Variants in CD81 observed in about 807,000 individuals in gnomAD.
CD81 encodes CD81 molecule.
In CD81, 10 loss-of-function variants were observed where a neutral mutation model predicts 30.1. That is an observed-to-expected ratio of 0.33 (90% CI 0.21 to 0.56). The LOEUF (loss-of-function observed/expected upper bound fraction) is 0.56. Among genes scored for constraint, CD81 ranks in the 20% least tolerant of loss-of-function variants. The pLI is 0.89. For synonymous variants in CD81, 147 were observed against 126.4 expected, an observed-to-expected ratio of 1.16 and a Z score of -1.10; for missense variants, 263 against 308.7, an observed-to-expected ratio of 0.85 and a Z score of 1.11.
intron 1 of CD81, 118 bp from the exon 2 acceptor site, chr11:2,390,294 C>T: frequency 1.2e-6 from 1 of 822,860 alleles, no homozygotes; most frequent in Non-Finnish European, 2.1e-6. Flanking sequence ...GAGCTGACAC[C>T]TGGTCCCTGC....
At chr11:2,380,301 T>C (rs552222203) in intron 1 of CD81, among the ~76,000 whole-genome samples, 63 of 152,114 alleles carry the variant, frequency 4.1e-4, no homozygotes, top group Non-Finnish European at 7.6e-4. Context: ...GTGGGGCACT[T>C]GTTAGAAGTT....
chr11:2,396,004 C>T (rs1217240324), intron 6 of CD81, 34 bp downstream of exon 6: 4 of 1,409,346 alleles, frequency 2.8e-6, no homozygotes, highest in Non-Finnish European at 4.0e-6. Flanking sequence ...GCCTGACCCC[C>T]CGCATGTCCC....
Position 2,396,874 on chromosome 11 carries a change from C to G in CD81, c.*8C>G, listed in dbSNP as rs755687318. ...AACAGCTCCGTGTACTGAGGCCCCG[C>G]AGCTCTGGCCACAGGGACCTCTGCA... is the stretch of plus-strand genomic sequence containing the variant. On this transcript the variant is annotated 3_prime_UTR_variant, in exon 8 of 8. Transcript: ENST00000263645. The G allele has an allele frequency of 6.2e-7, 1 of 1,612,130 alleles. No individual in the cohort carries two copies. Among genetic ancestry groups the G allele is most frequent in the Non-Finnish European group, 8.5e-7 (1 of 1,179,770 alleles).
rs72556504 is a variant in CD81 at position 2,387,874 on chromosome 11, C to T, written c.67-2538C>T. On this transcript the variant is annotated intron_variant, in intron 1 of 7. Transcript: ENST00000263645. ...CCAAAGTGTGAAAATTGAGTTGAAACTCCCATAGGAGGGCAGGAGGCACAG... is the reference window on the plus strand; with the variant it reads ...CCAAAGTGTGAAAATTGAGTTGAAATTCCCATAGGAGGGCAGGAGGCACAG... Among the ~76,000 whole-genome samples the T allele has an allele frequency of 0.011, 1,742 of 152,304 alleles. 43 individuals carry two copies. The South Asian group carries it at 0.13, about 11-fold the overall frequency.
At chr11:2,386,611 A>G in intron 1 of CD81, 1 of 717,246 alleles carries the variant, frequency 1.4e-6, no homozygotes, top group Non-Finnish European at 2.6e-6. Context: ...CCGTTTGTCC[A>G]TGCTAGGGCT....
intron 6 of CD81, 36 bp from the exon 7 acceptor site, chr11:2,396,592 C>G (rs945464645): frequency 1.5e-5 from 23 of 1,557,982 alleles, no homozygotes; most frequent in Non-Finnish European, 2.0e-5. Context: ...AGCCGAGGCC[C>G]GGTCCCTGAC....
chr11:2,396,809 C>A lies in CD81; in HGVS notation c.654C>A (p.Phe218Leu). 6.2e-7 allele frequency: 1 copy of A among 1,612,774 alleles called. No individual in the cohort carries two copies. The highest frequency in any genetic ancestry group is 8.5e-7 in the Non-Finnish European group (1 of 1,180,006). ...CCCCCACCACCCTCCTGCAGATCTT[C>A]GAGATGATCCTGAGCATGGTGCTGT... ...AAIVVAVIMIFEMILSMVLCC... is the reference protein window; with the variant it reads ...AAIVVAVIMILEMILSMVLCC... The change falls in exon 8 of 8, where the codon TTC becomes TTA. Residue 218 changes from phenylalanine to leucine, a missense_variant. Coordinates refer to ENST00000263645, the MANE Select transcript of CD81 (RefSeq NM_004356.4).
At chr11:2,380,937 G>T (rs1849694291) in intron 1 of CD81, among the ~76,000 whole-genome samples, 1 of 152,250 alleles carries the variant, frequency 6.6e-6, no homozygotes, top group Admixed American at 6.5e-5. Flanking sequence ...AACCCGGCCG[G>T]GAAAGAGACT....
chr11:2,395,102 C>T, intron 4 of CD81, 56 bp downstream of exon 4: 1 of 1,452,262 alleles, frequency 6.9e-7, no homozygotes, highest in African/African-American at 1.4e-5. Context: ...ACCCTCCTCT[C>T]CTGTCGCGGG....
chr11:2,393,790 G>A (rs1331430911), intron 2 of CD81: 10 of 613,708 alleles, frequency 1.6e-5, no homozygotes, highest in South Asian at 7.5e-5. Flanking sequence ...GGCAGGTGGC[G>A]GGCCCCACCG....
At chr11:2,392,188 C>A (rs1161912607) in intron 2 of CD81, 1 of 152,274 alleles carries the variant, frequency 6.6e-6, no homozygotes, top group African/African-American at 2.4e-5. Context: ...AGGCACCCGG[C>A]GGCCAAGGCT....
intron 1 of CD81, chr11:2,385,880 T>G: frequency 1.5e-6 from 1 of 648,374 alleles, no homozygotes. Context: ...GTACAAGTCT[T>G]GTGTGAACCT....
chr11:2,395,827 T>C (rs1305844044), intron 5 of CD81, 42 bp from the exon 6 acceptor site: 2 of 1,389,436 alleles, frequency 1.4e-6, no homozygotes, highest in Non-Finnish European at 2.0e-6. Context: ...ACCGTCCCCC[T>C]GGGCACATCC....
At position 2,395,494 on chromosome 11, in the gene CD81, G is replaced by A; in HGVS notation, c.433G>A (p.Ala145Thr). The A allele has an allele frequency of 6.2e-7, 1 of 1,612,712 alleles. No individual in the cohort carries two copies. The highest frequency in any genetic ancestry group is 8.5e-7 in the Non-Finnish European group (1 of 1,179,902). ...VVDDDANNAK[A>T]VVKTFHETLD... ...GGATGATGACGCCAACAACGCCAAG[G>A]CTGTGGTGAAGACCTTCCACGAGAC... The change falls in exon 5 of 8, where the codon GCT becomes ACT. Residue 145 changes from alanine (A) to threonine (T), a missense_variant. Coordinates refer to ENST00000263645, the MANE Select transcript of CD81 (RefSeq NM_004356.4).
intron 1 of CD81, among the ~76,000 whole-genome samples, chr11:2,380,295 G>T (rs1040647416): frequency 1.3e-5 from 2 of 152,062 alleles, no homozygotes; most frequent in African/African-American, 4.8e-5. Flanking sequence ...ATCTGGGTGG[G>T]GCACTTGTTA....
chr11:2,384,722 G>A, intron 1 of CD81: 1 of 165,976 alleles, frequency 6.0e-6, no homozygotes, highest in Admixed American at 6.4e-5. Flanking sequence ...GGATGGCTCT[G>A]TGGGGAGAGG....
chr11:2,377,591 C>G lies in CD81; in HGVS notation c.42C>G (p.Leu14=), dbSNP rs765378101. 2 of 1,542,372 alleles carry G rather than the reference C, an allele frequency of 1.3e-6. No homozygotes were observed. Among genetic ancestry groups the G allele is most frequent in the Admixed American group, 3.7e-5 (2 of 53,922 alleles). ...GCACCAAGTGCATCAAGTACCTGCT[C>G]TTCGTCTTCAATTTCGTCTTCTGGG... is the stretch of plus-strand genomic sequence containing the variant. The part of the protein sequence containing the change: ...EGCTKCIKYL[L]FVFNFVFWLA... Residue 14 remains leucine (L), a synonymous_variant, in exon 1 of 8, where the codon CTC becomes CTG. Transcript: ENST00000263645. This position sits in a 1 kb window ranked among gnomAD's most constrained non-coding sequence, Gnocchi z 7.7.
At chr11:2,395,544 G>C (rs1014412780) in intron 5 of CD81, 24 bp downstream of exon 5, 1 of 1,576,628 alleles carries the variant, frequency 6.3e-7, no homozygotes, top group South Asian at 1.1e-5. Context: ...GGGCGAGGGC[G>C]GGGAGCAGGG....
chr11:2,387,539 C>T (rs1401001911), intron 1 of CD81, among the ~76,000 whole-genome samples: 1 of 152,072 alleles, frequency 6.6e-6, no homozygotes, highest in Non-Finnish European at 1.5e-5. Context: ...TCTGGGGCCA[C>T]CCCCCAGCCC....
Sources: allele counts gnomAD v4.1 joint callset (sites outside exome capture counted in the v4.1 genomes callset), GRCh38; gene constraint gnomAD v4.1.1; non-coding constraint Gnocchi (gnomAD v3.1); transcripts MANE v1.5; gene names NCBI Gene and HGNC (gene_info 2026-07-23, HGNC 2026-07-21).